The following IKBKB variants were observed in gnomAD, a reference collection of about 807,000 sequenced individuals.
The protein encoded by IKBKB is inhibitor of nuclear factor kappa-B kinase subunit beta.
Under a neutral mutation model 113.6 loss-of-function variants are expected in IKBKB, and 42 were observed. The observed-to-expected ratio is 0.37, with a 90% CI of 0.29 to 0.48. The LOEUF is 0.48. Among genes scored for constraint, IKBKB ranks in the 20% least tolerant of loss-of-function variants. The pLI is 0.99. For missense variants in IKBKB, 673 were observed against 939.7 expected (o/e 0.72, Z 3.71); for synonymous variants, 296 against 361.3 (o/e 0.82, Z 2.05).
intron 3 of IKBKB, among the ~76,000 whole-genome samples, chr8:42,289,949 CAG>C (rs1409527241): frequency 6.6e-6 from 1 of 152,174 alleles, no homozygotes; most frequent in Non-Finnish European, 1.5e-5. Flanking sequence ...GTTGTGCCCT[CAG>C]GGTCTGAGTT....
chr8:42,298,210 C>T (rs117293233), intron 5 of IKBKB: 3 of 985,466 alleles, frequency 3.0e-6, no homozygotes, highest in East Asian at 2.3e-4. Context: ...GTGGTGCTCT[C>T]TCCTGCCTGA....
At position 42,316,994 on chromosome 8, in the gene IKBKB, G is replaced by A; in HGVS notation, c.1125+90G>A. On this transcript the variant is annotated intron_variant, in intron 11 of 21. Transcript: ENST00000520810. The surrounding 1 kb of genome is among the most constrained non-coding windows in gnomAD (Gnocchi z 4.5). ...CACTTTCAGATTTCAATTCTGCTTT[G>A]TCATGTAGTCTGTTAATCACACAGT... 1 of 1,241,244 alleles carries A rather than the reference G, an allele frequency of 8.1e-7. No homozygotes were observed. The highest frequency in any genetic ancestry group is 2.5e-5 in the East Asian group (1 of 39,976). The allele number at this position is 1,241,244 out of a possible 1,614,324, so 76.9% of individuals were successfully genotyped here.
Position 42,331,247 on chromosome 8 carries a change from C to T in IKBKB, c.*268C>T. 2 of 704,356 alleles carry T rather than the reference C, an allele frequency of 2.8e-6. No individual in the cohort carries two copies. The highest frequency in any genetic ancestry group is 5.2e-6 in the Non-Finnish European group (2 of 387,788). 43.6% of individuals were successfully genotyped at this position (704,356 alleles called of 1,614,324 possible). A position where few individuals can be genotyped will look rare whatever the true frequency, so the allele number is the denominator to read the frequency against. ...GGGCACTGCCGGCGCCTTGTCTGCA[C>T]ACTGGAGGTCCTCCATTACAGAGGC... On this transcript the variant is annotated 3_prime_UTR_variant, in exon 22 of 22. Coordinates refer to ENST00000520810, the MANE Select transcript of IKBKB (RefSeq NM_001556.3).
chr8:42,308,885 C>A lies in IKBKB; in HGVS notation c.568-16C>A. 2 of 1,613,252 alleles carry A rather than the reference C, an allele frequency of 1.2e-6. No homozygotes were observed. Among genetic ancestry groups the A allele is most frequent in the Non-Finnish European group, 1.7e-6 (2 of 1,179,418 alleles). On this transcript the variant is annotated splice_polypyrimidine_tract_variant and intron_variant, in intron 7 of 21. Transcript: ENST00000520810. ...AGAGAGGAGCAGCTCAGGTGTACCC[C>A]CTCCTGTTGCTGCAGGCCCCAGAGC... is the stretch of plus-strand genomic sequence containing the variant.
intron 9 of IKBKB, 115 bp downstream of exon 9, chr8:42,314,544 G>A (rs1337405097): frequency 3.6e-5 from 26 of 728,836 alleles, no homozygotes; most frequent in Non-Finnish European, 6.0e-5. Context: ...GGAGGCTGAG[G>A]CAGGTGGATC....
At chr8:42,277,628 G>A (rs967082559) in intron 2 of IKBKB, among the ~76,000 whole-genome samples, 3 of 152,158 alleles carry the variant, frequency 2.0e-5, no homozygotes, top group African/African-American at 7.2e-5. Context: ...TGCCGGACAG[G>A]CCTCCCCCTC....
intron 1 of IKBKB, chr8:42,271,720 G>T: frequency 2.0e-6 from 1 of 509,318 alleles, no homozygotes; most frequent in South Asian, 2.5e-5. Flanking sequence ...ACGTGACCTC[G>T]GCGATGCTCA....
chr8:42,274,797 C>G (rs905753074), intron 2 of IKBKB, among the ~76,000 whole-genome samples: 15 of 87,672 alleles, frequency 1.7e-4, no homozygotes, highest in South Asian at 7.6e-4. Flanking sequence ...CCCCCCCCCC[C>G]CCCCGCCATC....
chr8:42,295,364 C>A (rs961684765), intron 5 of IKBKB, among the ~76,000 whole-genome samples: 1 of 152,126 alleles, frequency 6.6e-6, no homozygotes, highest in African/African-American at 2.4e-5. Context: ...AGTGATCTGC[C>A]CATCTCAGCT....
chr8:42,277,124 C>A (rs1213343902), intron 2 of IKBKB, among the ~76,000 whole-genome samples: 4 of 151,666 alleles, frequency 2.6e-5, no homozygotes, highest in Non-Finnish European at 5.9e-5. Flanking sequence ...CCTGCTCGGC[C>A]TCCCAAAGTG....
intron 5 of IKBKB, among the ~76,000 whole-genome samples, chr8:42,299,394 C>CT (rs1319595426): frequency 6.6e-6 from 1 of 152,202 alleles, no homozygotes; most frequent in Non-Finnish European, 1.5e-5. Flanking sequence ...ACAGTCCACT[C>CT]TTAGATAAAG....
chr8:42,283,860 G>A (rs914838667), intron 2 of IKBKB, among the ~76,000 whole-genome samples: 48 of 152,266 alleles, frequency 3.2e-4, no homozygotes, highest in African/African-American at 9.6e-4. Flanking sequence ...CTAAGGTAAC[G>A]AACCATAAGT....
At chr8:42,283,171 G>C (rs1438235089) in intron 2 of IKBKB, among the ~76,000 whole-genome samples, 5 of 152,068 alleles carry the variant, frequency 3.3e-5, no homozygotes, top group Non-Finnish European at 7.4e-5. Context: ...GTTTGTGTTG[G>C]GCAAAAGACT....
intron 5 of IKBKB, among the ~76,000 whole-genome samples, chr8:42,295,420 A>G (rs1813562044): frequency 6.6e-6 from 1 of 152,216 alleles, no homozygotes; most frequent in Admixed American, 6.5e-5. Context: ...CACCTGGCCA[A>G]AAGTCTTTAA....
Position 42,319,373 on chromosome 8 carries a change from A to G in IKBKB, c.1468A>G (p.Ile490Val), listed in dbSNP as rs1819332008. Residue 490 changes from isoleucine to valine, a missense_variant, in exon 14 of 22, where the codon ATC becomes GTC. Physicochemically the swap from Ile to Val is conservative, Grantham distance 29 (BLOSUM62 3). Around this residue, in one of 2 missense-constraint regions of IKBKB, gnomAD observed 506 missense variants for 638.7 expected, o/e 0.79. Coordinates refer to ENST00000520810, the MANE Select transcript of IKBKB (RefSeq NM_001556.3). The stretch of plus-strand genomic sequence containing the variant: ...CAAGTTGGATTTCTTCAAAACCAGC[A>G]TCCAGATTGACCTGGAGAAGTACAG... ...KAKLDFFKTS[I>V]QIDLEKYSEQ... is the part of the protein sequence containing the mutation. The G allele has an allele frequency of 6.2e-7, 1 of 1,614,204 alleles. No individual in the cohort carries two copies. Among genetic ancestry groups the G allele is most frequent in the Non-Finnish European group, 8.5e-7 (1 of 1,180,018 alleles).
In IKBKB at chr8:42,316,074, A is replaced by T; in HGVS notation, c.801-136A>T. The T allele has an allele frequency of 1.1e-6, 1 of 871,434 alleles. No individual in the cohort carries two copies. The highest frequency in any genetic ancestry group is 1.7e-6 in the Non-Finnish European group (1 of 576,308). 54.0% of individuals were successfully genotyped at this position (871,434 alleles called of 1,614,324 possible). A position where few individuals can be genotyped will look rare whatever the true frequency, so the allele number is the denominator to read the frequency against. Reference sequence around the variant, plus strand: ...CCTGAATAATTGATTGGAAATGTTTATACTGTTTCTGATAAACCCATTTTC... The same window carrying T: ...CCTGAATAATTGATTGGAAATGTTTTTACTGTTTCTGATAAACCCATTTTC... On this transcript the variant is annotated intron_variant, in intron 9 of 21. Transcript: ENST00000520810. This position sits in a 1 kb window ranked among gnomAD's most constrained non-coding sequence, Gnocchi z 4.5.
intron 2 of IKBKB, among the ~76,000 whole-genome samples, chr8:42,279,211 G>A (rs1431659540): frequency 6.6e-6 from 1 of 152,218 alleles, no homozygotes; most frequent in African/African-American, 2.4e-5. Context: ...GTGCTGAGGA[G>A]AAGTCTTTGA....
intron 19 of IKBKB, among the ~76,000 whole-genome samples, chr8:42,323,691 G>T (rs952965044): frequency 6.6e-6 from 1 of 152,156 alleles, no homozygotes; most frequent in Admixed American, 6.5e-5. Flanking sequence ...GGCTGGGGTC[G>T]CATGCCAGAG....
chr8:42,315,774 C>T (rs943130672), intron 9 of IKBKB, among the ~76,000 whole-genome samples: 14 of 152,264 alleles, frequency 9.2e-5, no homozygotes, highest in Admixed American at 4.6e-4. Context: ...GGGATTCTCC[C>T]GTCTCAGCCT....
Sources: gnomAD v4.1 joint callset for allele counts (sites outside exome capture counted in the v4.1 genomes callset) on GRCh38, gnomAD v4.1.1 for gene constraint, gnomAD v4.1.1 regional missense constraint, Gnocchi (gnomAD v3.1) non-coding constraint, MANE v1.5 for transcripts, NCBI Gene and HGNC (gene_info 2026-07-23, HGNC 2026-07-21) for gene names.